The following PTK2 variants were observed in gnomAD, a reference collection of about 807,000 sequenced individuals.
PTK2 encodes the protein focal adhesion kinase 1.
In PTK2, 45 loss-of-function variants were observed where a neutral mutation model predicts 150.1. The ratio of observed to expected loss-of-function variants is 0.30; its 90% CI spans 0.24 to 0.38. The LOEUF is 0.38. Among genes scored for constraint, PTK2 ranks in the 10% least tolerant of loss-of-function variants. The pLI, the probability that PTK2 is intolerant of heterozygous loss-of-function variation, is 1.00. For synonymous variants in PTK2, 432 were observed against 449.2 expected (o/e 0.96, Z 0.48); for missense variants, 919 against 1,307.3 (o/e 0.70, Z 4.58).
intron 4 of PTK2, among the ~76,000 whole-genome samples, chr8:140,866,039 T>G (rs1260052730): frequency 6.6e-6 from 1 of 152,198 alleles, no homozygotes; most frequent in Non-Finnish European, 1.5e-5. Context: ...TCCGCCTGCC[T>G]TGGCCTCCCG....
chr8:140,666,789 G>A (rs546277294), intron 30 of PTK2, among the ~76,000 whole-genome samples: 193 of 152,282 alleles, frequency 1.3e-3, no homozygotes, highest in Admixed American at 2.4e-3. Context: ...AGAAGTGAAA[G>A]CAGGGTCTCA....
chr8:140,965,407 T>G (rs935484691), intron 1 of PTK2, among the ~76,000 whole-genome samples: 15 of 152,176 alleles, frequency 9.9e-5, no homozygotes, highest in Non-Finnish European at 2.9e-5. Flanking sequence ...CCACAGCATT[T>G]CTTCACTCAA....
At chr8:140,683,943 C>T (rs752869044) in intron 27 of PTK2, among the ~76,000 whole-genome samples, 1 of 152,118 alleles carries the variant, frequency 6.6e-6, no homozygotes. Context: ...CCCTGAAGAA[C>T]TGAAACAAGA....
chr8:140,998,818 CAAAAAAA>C (rs959649621), intron 1 of PTK2, among the ~76,000 whole-genome samples: 1 of 53,514 alleles, frequency 1.9e-5, no homozygotes, highest in African/African-American at 6.7e-5. Context: ...GACTCCGTCT[CAAAAAAA>C]AAAAAAAAAA....
At chr8:140,805,974 C>T (rs1333652548) in intron 10 of PTK2, among the ~76,000 whole-genome samples, 1 of 152,182 alleles carries the variant, frequency 6.6e-6, no homozygotes, top group South Asian at 2.1e-4. Context: ...CTGTCATGAT[C>T]TTGTCTTGAT....
intron 27 of PTK2, among the ~76,000 whole-genome samples, chr8:140,680,891 TAC>T (rs779981189): frequency 6.6e-5 from 10 of 152,222 alleles, no homozygotes; most frequent in Non-Finnish European, 1.2e-4. Flanking sequence ...GACAGTTGCA[TAC>T]ACACCTGTGA....
intron 14 of PTK2, among the ~76,000 whole-genome samples, chr8:140,765,627 A>T (rs1469626996): frequency 1.3e-5 from 2 of 152,218 alleles, no homozygotes; most frequent in Admixed American, 6.5e-5. Context: ...TTAAAAGATT[A>T]AAAAAGTTTT....
chr8:140,864,030 C>T (rs1270802990), intron 5 of PTK2, among the ~76,000 whole-genome samples: 1 of 152,146 alleles, frequency 6.6e-6, no homozygotes, highest in African/African-American at 2.4e-5. Flanking sequence ...CATTGCTATT[C>T]AGGCATAATA....
At chr8:140,896,523 C>A (rs1320163332) in intron 2 of PTK2, among the ~76,000 whole-genome samples, 3 of 152,144 alleles carry the variant, frequency 2.0e-5, no homozygotes, top group African/African-American at 7.2e-5. Flanking sequence ...AAAGAAGAGC[C>A]AGCTACCTCG....
At chr8:140,905,833 G>A (rs996334724) in intron 2 of PTK2, among the ~76,000 whole-genome samples, 1 of 152,120 alleles carries the variant, frequency 6.6e-6, no homozygotes, top group Non-Finnish European at 1.5e-5. Context: ...AGACCACAGT[G>A]CAATCAAATT....
intron 29 of PTK2, chr8:140,669,301 G>GTATGTATGTATATATATATATATA (rs547959878): frequency 3.1e-5 from 3 of 97,984 alleles, no homozygotes; most frequent in African/African-American, 1.4e-4. Flanking sequence ...GCATAAAATG[G>GTATGTATGTATATATATATATATA]TATATATATA....
At chr8:140,811,042 G>A (rs988085143) in intron 10 of PTK2, among the ~76,000 whole-genome samples, 7 of 152,200 alleles carry the variant, frequency 4.6e-5, no homozygotes, top group African/African-American at 7.2e-5. Context: ...GCAACCTGCC[G>A]GGCTGATGAG....
intron 10 of PTK2, among the ~76,000 whole-genome samples, chr8:140,809,200 C>T (rs1241786095): frequency 1.3e-5 from 2 of 151,888 alleles, no homozygotes; most frequent in African/African-American, 4.8e-5. Flanking sequence ...ATAAAAAAGA[C>T]AAAAATAATG....
chr8:140,893,567 T>C (rs1024806317), intron 2 of PTK2, among the ~76,000 whole-genome samples: 1 of 152,142 alleles, frequency 6.6e-6, no homozygotes, highest in Non-Finnish European at 1.5e-5. Context: ...ATTCCACTTA[T>C]ATGAAGGAAT....
chr8:140,697,526 C>T (rs552269253), intron 26 of PTK2, among the ~76,000 whole-genome samples: 5 of 151,794 alleles, frequency 3.3e-5, no homozygotes, highest in South Asian at 4.2e-4. Context: ...CTGCAACCTC[C>T]GCCTCCCGGG....
intron 1 of PTK2, among the ~76,000 whole-genome samples, chr8:140,990,182 A>G (rs749450771): frequency 1.3e-5 from 2 of 152,152 alleles, no homozygotes; most frequent in Non-Finnish European, 2.9e-5. Flanking sequence ...TTTAATGGTC[A>G]TCGCAGAATA....
chr8:140,742,102 C>T (rs1174651772), intron 20 of PTK2, among the ~76,000 whole-genome samples: 1 of 152,208 alleles, frequency 6.6e-6, no homozygotes, highest in Non-Finnish European at 1.5e-5. Flanking sequence ...CGCCACTGCA[C>T]TCCAGCCTGA....
intron 10 of PTK2, among the ~76,000 whole-genome samples, chr8:140,807,327 A>T (rs1200087472): frequency 6.6e-6 from 1 of 152,250 alleles, no homozygotes; most frequent in Non-Finnish European, 1.5e-5. Flanking sequence ...TTCACTGCGA[A>T]AAAGAGAACA....
At chr8:140,910,161 A>C (rs976339678) in intron 2 of PTK2, among the ~76,000 whole-genome samples, 29 of 152,340 alleles carry the variant, frequency 1.9e-4, no homozygotes, top group Middle Eastern at 3.4e-3. Flanking sequence ...ACAGTCAAAA[A>C]GCAGTATTAA....
Sources: gnomAD v4.1 joint callset for allele counts (sites outside exome capture counted in the v4.1 genomes callset) on GRCh38, gnomAD v4.1.1 for gene constraint, MANE v1.5 for transcripts, NCBI Gene and HGNC (gene_info 2026-07-23, HGNC 2026-07-21) for gene names.